Variants in PCYT1B observed in about 807,000 individuals in gnomAD.
PCYT1B encodes choline-phosphate cytidylyltransferase B.
PCYT1B carries 10 observed loss-of-function variants against 26.4 expected under a neutral mutation model. The ratio of observed to expected loss-of-function variants is 0.38; its 90% CI spans 0.23 to 0.64. The LOEUF (loss-of-function observed/expected upper bound fraction) is 0.64, where lower values mean the gene tolerates loss of function less well. Among genes scored for constraint, PCYT1B ranks in the 30% least tolerant of loss-of-function variants. The pLI, the probability that PCYT1B is intolerant of heterozygous loss-of-function variation, is 0.56. For synonymous variants in PCYT1B, 131 were observed against 108.4 expected (o/e 1.21, Z -1.29); for missense variants, 161 against 292.7 (o/e 0.55, Z 3.28).
At chrX:24,667,622 C>G (rs1242257623) in intron 1 of PCYT1B, among the ~76,000 whole-genome samples, 1 of 109,643 alleles carries the variant, frequency 9.1e-6, no homozygotes, top group East Asian at 2.9e-4. Flanking sequence ...GAGGCTGAGG[C>G]AGGAGAATCG....
chrX:24,672,717 A>G, upstream of PCYT1B: 1 of 764,233 alleles, frequency 1.3e-6, no homozygotes, highest in Non-Finnish European at 2.0e-6. Context: ...TTTGTTGCTC[A>G]CTTGACCAAA....
rs765582957 is a variant in PCYT1B at position 24,560,406 on chromosome X, A to G, written c.*1887T>C. On this transcript the variant is annotated 3_prime_UTR_variant, in exon 8 of 8. Transcript: ENST00000379144. ...GTGCATGATGGAAGACAGAGACCAA[A>G]TGGAAGAATGAGGCCCTTGTCCCTC... The G allele has an allele frequency of 1.3e-4, 15 of 111,688 alleles. No individual in the cohort carries two copies. The highest frequency in any genetic ancestry group is 2.0e-4 in the African/African-American group (6 of 30,695). 9.2% of individuals were successfully genotyped at this position (111,688 alleles called of 1,213,427 possible).
intron 7 of PCYT1B, among the ~76,000 whole-genome samples, chrX:24,567,296 T>G (rs760587933): frequency 8.9e-6 from 1 of 111,900 alleles, no homozygotes; most frequent in Non-Finnish European, 1.9e-5. Context: ...TAAACAACGG[T>G]GTCGCACTTC....
intron 3 of PCYT1B, among the ~76,000 whole-genome samples, chrX:24,593,754 T>C (rs1407722427): frequency 9.1e-6 from 1 of 110,154 alleles, no homozygotes; most frequent in Admixed American, 9.9e-5. Context: ...CTCAAAGTCC[T>C]GACTTCAAGT....
At chrX:24,669,330 A>G (rs1001076326) in intron 1 of PCYT1B, among the ~76,000 whole-genome samples, 4 of 109,339 alleles carry the variant, frequency 3.7e-5, no homozygotes, top group African/African-American at 1.3e-4. Flanking sequence ...CAGCCTGACC[A>G]ACATGGCGAA....
intron 1 of PCYT1B, among the ~76,000 whole-genome samples, chrX:24,628,214 G>A (rs967479079): frequency 8.1e-5 from 9 of 111,530 alleles, no homozygotes; most frequent in Non-Finnish European, 1.7e-4. Context: ...CAGGTCATCA[G>A]ATGAGGAAAC....
At chrX:24,629,401 A>G (rs1318397293) in intron 1 of PCYT1B, among the ~76,000 whole-genome samples, 1 of 106,669 alleles carries the variant, frequency 9.4e-6, no homozygotes, top group East Asian at 3.0e-4. Context: ...CCCTCTCTCT[A>G]TGAAAAATTA....
At chrX:24,634,583 T>C (rs906104280) in intron 1 of PCYT1B, among the ~76,000 whole-genome samples, 1 of 110,565 alleles carries the variant, frequency 9.0e-6, no homozygotes. Flanking sequence ...CCGTCTCTAC[T>C]AAAAATACAA....
Position 24,558,923 on chromosome X carries a change from A to C in PCYT1B, c.*3370T>G, listed in dbSNP as rs1923265654. On this transcript the variant is annotated 3_prime_UTR_variant, in exon 8 of 8. Coordinates refer to ENST00000379144, the MANE Select transcript of PCYT1B (RefSeq NM_004845.5). ...GCTGAAATGAAGCAACCAGAGAGGC[A>C]GGGACCCCATATCCTGCATGGGCAT... 1 of 111,209 alleles carries C rather than the reference A, an allele frequency of 9.0e-6. No individual in the cohort carries two copies. The highest frequency in any genetic ancestry group is 3.3e-5 in the African/African-American group (1 of 30,617). The allele number at this position is 111,209 out of a possible 1,213,427, so 9.2% of individuals were successfully genotyped here.
intron 4 of PCYT1B, among the ~76,000 whole-genome samples, chrX:24,589,384 C>A (rs1360940531): frequency 9.0e-6 from 1 of 111,682 alleles, no homozygotes; most frequent in Non-Finnish European, 1.9e-5. Flanking sequence ...AGATACAAAG[C>A]ACATAATTTG....
At chrX:24,638,063 A>G (rs1368293961) in intron 1 of PCYT1B, among the ~76,000 whole-genome samples, 1 of 102,359 alleles carries the variant, frequency 9.8e-6, no homozygotes, top group Non-Finnish European at 2.0e-5. Flanking sequence ...TAGGCTGTAC[A>G]CATCATTCAT....
chrX:24,622,857 T>G (rs1194813375), intron 1 of PCYT1B, among the ~76,000 whole-genome samples: 2 of 111,794 alleles, frequency 1.8e-5, no homozygotes, highest in Non-Finnish European at 3.8e-5. Flanking sequence ...AGGGGATACA[T>G]GATTTCCTGA....
chrX:24,647,102 G>T lies in PCYT1B; in HGVS notation c.4C>A (p.Pro2Thr), dbSNP rs145642741. Residue 2 changes from proline (P) to threonine (T), a missense_variant, in exon 1 of 8, where the codon CCA becomes ACA. Pro to Thr is a conservative substitution (Grantham distance 38). Coordinates refer to ENST00000379144, the MANE Select transcript of PCYT1B (RefSeq NM_004845.5). ...GACTCAGCATCAGTGGTAACTACTG[G>T]CATGGCCAGTGAATGCTCCCTCTAG... MPVVTTDAESET... is the reference protein window; with the variant it reads MTVVTTDAESET... 2 of 1,203,250 alleles carry T rather than the reference G, an allele frequency of 1.7e-6. No individual in the cohort carries two copies. Among genetic ancestry groups the T allele is most frequent in the Non-Finnish European group, 2.2e-6 (2 of 889,918 alleles).
chrX:24,607,493 G>A (rs1925176482), intron 3 of PCYT1B, among the ~76,000 whole-genome samples: 1 of 112,289 alleles, frequency 8.9e-6, no homozygotes, highest in African/African-American at 3.2e-5. Flanking sequence ...AAAACATGAA[G>A]CATTTACCCT....
chrX:24,649,927 T>A (rs1028856479), upstream of PCYT1B: 7 of 112,604 alleles, frequency 6.2e-5, no homozygotes, highest in African/African-American at 2.3e-4. Flanking sequence ...GCTCTATAAC[T>A]AATTCCATTC....
At chrX:24,567,227 C>G (rs1328358134) in intron 7 of PCYT1B, among the ~76,000 whole-genome samples, 1 of 112,314 alleles carries the variant, frequency 8.9e-6, no homozygotes, top group Non-Finnish European at 1.9e-5. Flanking sequence ...TAGTTTGAAT[C>G]AAGCTCATAG....
upstream of PCYT1B, among the ~76,000 whole-genome samples, chrX:24,650,309 T>C (rs1271650525): frequency 3.0e-5 from 3 of 99,878 alleles, no homozygotes; most frequent in Non-Finnish European, 4.0e-5. Context: ...AATGGAATTA[T>C]TATGTAGCTT....
At chrX:24,602,936 T>C (rs939419350) in intron 3 of PCYT1B, among the ~76,000 whole-genome samples, 4 of 110,999 alleles carry the variant, frequency 3.6e-5, no homozygotes, top group African/African-American at 1.3e-4. Context: ...CCTGAGTAGC[T>C]GGGATTACAG....
At chrX:24,623,486 C>T (rs1176286044) in intron 1 of PCYT1B, among the ~76,000 whole-genome samples, 1 of 107,778 alleles carries the variant, frequency 9.3e-6, no homozygotes, top group Non-Finnish European at 1.9e-5. Context: ...GGCCCAGTGC[C>T]CTGGACCTCA....
Sources: gnomAD v4.1 joint callset for allele counts (sites outside exome capture counted in the v4.1 genomes callset) on GRCh38, gnomAD v4.1.1 for gene constraint, MANE v1.5 for transcripts, NCBI Gene and HGNC (gene_info 2026-07-23, HGNC 2026-07-21) for gene names.